The following EIF4E3 variants were observed in gnomAD, a reference collection of about 807,000 sequenced individuals.
The protein encoded by EIF4E3 is eukaryotic translation initiation factor 4E family member 3, also known as eukaryotic translation initiation factor 4E type 3.
Under a neutral mutation model 31.7 loss-of-function variants are expected in EIF4E3, and 26 were observed. The observed-to-expected ratio is 0.82, with a 90% confidence interval of 0.60 to 1.14. The LOEUF (loss-of-function observed/expected upper bound fraction) is 1.14, where lower values mean the gene tolerates loss of function less well. Among genes scored for constraint, EIF4E3 ranks in the 50% most tolerant of loss-of-function variants. The pLI is 0.00. For synonymous variants in EIF4E3, 128 were observed against 107.7 expected, an observed-to-expected ratio of 1.19 and a Z score of -1.17; for missense variants, 304 against 270.9, an observed-to-expected ratio of 1.12 and a Z score of -0.86.
upstream of EIF4E3, chr3:71,725,403 G>C: frequency 2.0e-6 from 2 of 977,214 alleles, no homozygotes; most frequent in Non-Finnish European, 2.4e-6. The surrounding 1 kb of genome is among the most constrained non-coding windows in gnomAD (Gnocchi z 6.1). Flanking sequence ...GCGGACGCGC[G>C]GACCGCGGGG....
At chr3:71,684,956 T>G (rs976628262) in intron 6 of EIF4E3, among the ~76,000 whole-genome samples, 1 of 152,188 alleles carries the variant, frequency 6.6e-6, no homozygotes, top group African/African-American at 2.4e-5. Flanking sequence ...GCAATGGGCA[T>G]GCTGCCTGTT....
intron 2 of EIF4E3, among the ~76,000 whole-genome samples, chr3:71,700,726 T>G (rs151068983): frequency 6.6e-6 from 1 of 152,036 alleles, no homozygotes; most frequent in Non-Finnish European, 1.5e-5. Context: ...GAAACTACCT[T>G]AGACACTCTG....
At chr3:71,704,478 G>A (rs2049262733) in intron 2 of EIF4E3, among the ~76,000 whole-genome samples, 1 of 152,206 alleles carries the variant, frequency 6.6e-6, no homozygotes, top group African/African-American at 2.4e-5. Context: ...ATTCTGGCCG[G>A]GAGGGCCTGC....
intron 3 of EIF4E3, among the ~76,000 whole-genome samples, chr3:71,696,917 A>G (rs890186161): frequency 2.0e-5 from 3 of 151,294 alleles, no homozygotes; most frequent in African/African-American, 7.3e-5. Flanking sequence ...ACGGGATTTC[A>G]CTGTGTTAGC....
chr3:71,745,113 T>A (rs897376448), intron 1 of EIF4E3, among the ~76,000 whole-genome samples: 1 of 152,238 alleles, frequency 6.6e-6, no homozygotes, highest in Non-Finnish European at 1.5e-5. Context: ...ATGTGATTTA[T>A]CATAAAAATC....
chr3:71,743,595 T>C (rs1434805884), intron 1 of EIF4E3, among the ~76,000 whole-genome samples: 2 of 152,148 alleles, frequency 1.3e-5, no homozygotes, highest in African/African-American at 2.4e-5. Context: ...GTAGGCTTTA[T>C]CATAGAATTA....
chr3:71,692,518 T>A (rs1283438972), intron 5 of EIF4E3, among the ~76,000 whole-genome samples: 1 of 152,154 alleles, frequency 6.6e-6, no homozygotes, highest in South Asian at 2.1e-4. Context: ...TTTGGCTGTA[T>A]ATTATCAAGT....
downstream of EIF4E3, among the ~76,000 whole-genome samples, chr3:71,672,335 CTT>C (rs1176419875): frequency 6.6e-6 from 1 of 152,154 alleles, no homozygotes; most frequent in African/African-American, 2.4e-5. Context: ...TAAGTGGAAA[CTT>C]TGCTCTTGAG....
intron 1 of EIF4E3, among the ~76,000 whole-genome samples, chr3:71,721,752 G>A (rs1029115480): frequency 6.6e-6 from 1 of 152,150 alleles, no homozygotes; most frequent in Non-Finnish European, 1.5e-5. Context: ...GTGGAACTGT[G>A]AGTCAAACCT....
the EIF4E3 span, among the ~76,000 whole-genome samples, chr3:71,668,397 G>C: frequency 1.3e-5 from 2 of 151,910 alleles, no homozygotes; most frequent in African/African-American, 2.4e-5. Context: ...AGCCAAAATG[G>C]GATTTAATCA....
chr3:71,677,682 A>C lies in EIF4E3; in HGVS notation c.*7000T>G, dbSNP rs188133981. 6.6e-6 allele frequency: 1 copy of C among 152,328 alleles called. No individual in the cohort carries two copies. Among genetic ancestry groups the C allele is most frequent in the African/African-American group, 2.4e-5 (1 of 41,574 alleles). 9.4% of individuals were successfully genotyped at this position (152,328 alleles called of 1,614,324 possible). A position where few individuals can be genotyped will look rare whatever the true frequency, so the allele number is the denominator to read the frequency against. ...TTAAAATTAATTAGGCATCACACAT[A>C]AGATCCTGAATTGCTTGTTTCTGCA... On this transcript the variant is annotated 3_prime_UTR_variant, in exon 7 of 7. Coordinates refer to ENST00000425534, the MANE Select transcript of EIF4E3 (RefSeq NM_001134651.2).
upstream of EIF4E3, chr3:71,754,355 C>T (rs755310150): frequency 9.9e-6 from 13 of 1,313,972 alleles, no homozygotes; most frequent in African/African-American, 1.5e-4. This position sits in a 1 kb window ranked among gnomAD's most constrained non-coding sequence, Gnocchi z 5.8. Flanking sequence ...CCTTCCTGGC[C>T]GCGCTCTTCT....
At chr3:71,738,184 G>T (rs573604067) in intron 1 of EIF4E3, among the ~76,000 whole-genome samples, 1 of 152,288 alleles carries the variant, frequency 6.6e-6, no homozygotes, top group South Asian at 2.1e-4. Context: ...ATGCTAACAA[G>T]CGCAGACAAG....
chr3:71,737,212 G>A (rs532965331), intron 1 of EIF4E3, among the ~76,000 whole-genome samples: 1 of 152,274 alleles, frequency 6.6e-6, no homozygotes, highest in East Asian at 1.9e-4. Context: ...GCAACTTCAG[G>A]AAACTTTAGG....
chr3:71,708,713 T>C (rs1345990924), intron 2 of EIF4E3, among the ~76,000 whole-genome samples: 1 of 152,116 alleles, frequency 6.6e-6, no homozygotes, highest in East Asian at 1.9e-4. Context: ...AGCCTTTACA[T>C]GAGGACAGGC....
the EIF4E3 span, among the ~76,000 whole-genome samples, chr3:71,669,436 A>C: frequency 6.6e-6 from 1 of 152,212 alleles, no homozygotes; most frequent in African/African-American, 2.4e-5. Context: ...CGCTTTCAAA[A>C]CCTGTATCGT....
intron 4 of EIF4E3, among the ~76,000 whole-genome samples, chr3:71,695,961 C>T (rs1559593146): frequency 6.6e-6 from 1 of 152,164 alleles, no homozygotes; most frequent in Non-Finnish European, 1.5e-5. Context: ...AGGTTCTCAT[C>T]GGCCCCAGAG....
At chr3:71,752,149 A>G (rs915127920) in intron 1 of EIF4E3, among the ~76,000 whole-genome samples, 2 of 152,182 alleles carry the variant, frequency 1.3e-5, no homozygotes, top group African/African-American at 4.8e-5. Context: ...CTTACTATTC[A>G]AAGTAAGGTC....
At chr3:71,734,360 CA>C (rs34752958) in intron 1 of EIF4E3, among the ~76,000 whole-genome samples, 26,265 of 152,092 alleles carry the variant, frequency 0.17, 2,324 homozygotes, top group East Asian at 0.31. Context: ...TTCGTCCTTT[CA>C]AAACCTACCA....
Sources: gnomAD v4.1 joint callset for allele counts (sites outside exome capture counted in the v4.1 genomes callset) on GRCh38, gnomAD v4.1.1 for gene constraint, Gnocchi (gnomAD v3.1) non-coding constraint, MANE v1.5 for transcripts, NCBI Gene and HGNC (gene_info 2026-07-23, HGNC 2026-07-21) for gene names.